Variants in CNTN5 observed in about 807,000 individuals in gnomAD.
CNTN5 encodes the protein contactin 5, also known as contactin-5.
A neutral mutation model predicts 129.1 loss-of-function variants in CNTN5; 77 were observed. The observed-to-expected ratio is 0.60, with a 90% CI of 0.50 to 0.72. The LOEUF is 0.72. Ranked by LOEUF, CNTN5 falls within the 30% of genes least tolerant of loss-of-function variation. The pLI, the probability that CNTN5 is intolerant of heterozygous loss-of-function variation, is 0.00. For synonymous variants in CNTN5, 509 were observed against 465.6 expected (o/e 1.09, Z -1.20); for missense variants, 1,478 against 1,328.8 (o/e 1.11, Z -1.75).
At chr11:100,259,160 G>A (rs1003730335) in intron 17 of CNTN5, among the ~76,000 whole-genome samples, 110 of 152,128 alleles carry the variant, frequency 7.2e-4, no homozygotes, top group African/African-American at 1.9e-3. Flanking sequence ...TCTCTGATAA[G>A]ACAGACTTTA....
chr11:100,084,515 A>G (rs1281636692), intron 13 of CNTN5, among the ~76,000 whole-genome samples: 1 of 152,142 alleles, frequency 6.6e-6, no homozygotes, highest in Non-Finnish European at 1.5e-5. Flanking sequence ...TTATAATGAG[A>G]ATTAGAGGTT....
chr11:99,846,977 C>T (rs768824017), intron 6 of CNTN5, among the ~76,000 whole-genome samples: 14 of 152,122 alleles, frequency 9.2e-5, no homozygotes, highest in Non-Finnish European at 1.5e-4. Context: ...TTACATTATG[C>T]ACAATTAATC....
At chr11:99,450,676 T>A (rs1026623404) in intron 2 of CNTN5, among the ~76,000 whole-genome samples, 1 of 151,334 alleles carries the variant, frequency 6.6e-6, no homozygotes, top group African/African-American at 2.4e-5. Context: ...GCCATCTCCA[T>A]CCCCTGGTCA....
chr11:99,985,642 C>T lies in CNTN5; in HGVS notation c.878-16392C>T, dbSNP rs1025062041. On this transcript the variant is annotated intron_variant, in intron 8 of 24. Transcript: ENST00000524871. ...TTTTCAGCTTGAAGGTGGAGTTTCACCAGGGACCTATCCCTGTCTGCCTCC... is the reference window on the plus strand; with the variant it reads ...TTTTCAGCTTGAAGGTGGAGTTTCATCAGGGACCTATCCCTGTCTGCCTCC... Among the ~76,000 whole-genome samples, 15 of 152,274 alleles carry T rather than the reference C, an allele frequency of 9.9e-5. No individual in the cohort carries two copies. The East Asian group carries it at 2.5e-3, about 26-fold the overall frequency.
At chr11:100,257,294 T>C (rs1950092776) in intron 17 of CNTN5, among the ~76,000 whole-genome samples, 1 of 152,114 alleles carries the variant, frequency 6.6e-6, no homozygotes, top group African/African-American at 2.4e-5. Flanking sequence ...AGTCAGGAGC[T>C]TATAGATAAA....
Position 100,292,867 on chromosome 11 carries a change from A to G in CNTN5, c.2315-4758A>G, listed in dbSNP as rs187474086. 8.5e-4 allele frequency among the ~76,000 whole-genome samples: 129 copies of G among 152,082 alleles called. 2 individuals carry two copies. The highest frequency in any genetic ancestry group is 2.9e-3 in the African/African-American group (120 of 41,538). On this transcript the variant is annotated intron_variant, in intron 18 of 24. Transcript: ENST00000524871. ...TACATGTGACTCATTCCAAGTTCAG[A>G]AAACAGTCGTTTAATGTCCTCTTAC...
At chr11:99,787,348 A>T (rs895248003) in intron 3 of CNTN5, among the ~76,000 whole-genome samples, 1 of 151,652 alleles carries the variant, frequency 6.6e-6, no homozygotes, top group African/African-American at 2.4e-5. Flanking sequence ...GACCTGTTCA[A>T]CTCTTAACAT....
At chr11:100,343,326 T>C (rs1952207353) in intron 23 of CNTN5, among the ~76,000 whole-genome samples, 1 of 152,190 alleles carries the variant, frequency 6.6e-6, no homozygotes, top group Non-Finnish European at 1.5e-5. Context: ...GAAGGAAGAA[T>C]TGATTCGTAT....
At chr11:99,687,026 A>T (rs1953821754) in intron 3 of CNTN5, among the ~76,000 whole-genome samples, 2 of 152,160 alleles carry the variant, frequency 1.3e-5, no homozygotes, top group Non-Finnish European at 2.9e-5. Flanking sequence ...TTAACTCAGG[A>T]GATGTAGATA....
At chr11:100,111,687 T>G (rs1005438927) in intron 13 of CNTN5, among the ~76,000 whole-genome samples, 2 of 152,204 alleles carry the variant, frequency 1.3e-5, no homozygotes, top group African/African-American at 4.8e-5. Flanking sequence ...AAAATTTAAG[T>G]GTACAATCCA....
At chr11:99,107,790 G>A (rs962799038) in intron 1 of CNTN5, among the ~76,000 whole-genome samples, 2 of 151,758 alleles carry the variant, frequency 1.3e-5, no homozygotes, top group Non-Finnish European at 2.9e-5. Flanking sequence ...AATTAGCCGG[G>A]CATGGTGGCA....
chr11:99,787,679 C>T (rs566400345), intron 3 of CNTN5, among the ~76,000 whole-genome samples: 9 of 151,950 alleles, frequency 5.9e-5, no homozygotes, highest in Admixed American at 3.3e-4. Flanking sequence ...AAATATGTTA[C>T]CAGATATGAG....
chr11:99,232,494 T>C (rs1861054101), intron 1 of CNTN5, among the ~76,000 whole-genome samples: 2 of 152,198 alleles, frequency 1.3e-5, no homozygotes, highest in Admixed American at 6.5e-5. Flanking sequence ...TTTTTCCACA[T>C]TGATTTTGTA....
intron 1 of CNTN5, among the ~76,000 whole-genome samples, chr11:99,053,180 A>T (rs1864491809): frequency 6.6e-6 from 1 of 151,966 alleles, no homozygotes; most frequent in Non-Finnish European, 1.5e-5. Context: ...ATTCTAAAAA[A>T]GTAATGACAG....
At chr11:99,163,947 T>A (rs1860744614) in intron 1 of CNTN5, among the ~76,000 whole-genome samples, 1 of 152,224 alleles carries the variant, frequency 6.6e-6, no homozygotes, top group African/African-American at 2.4e-5. Flanking sequence ...ATTTATTGTA[T>A]TTTTAGGTCA....
chr11:99,944,554 G>A (rs1259622039), intron 7 of CNTN5, among the ~76,000 whole-genome samples: 1 of 152,046 alleles, frequency 6.6e-6, no homozygotes, highest in African/African-American at 2.4e-5. Context: ...ATTCAAATAG[G>A]AAGAGAGAAA....
Position 99,702,801 on chromosome 11 carries a change from A to G in CNTN5, c.56-116743A>G, listed in dbSNP as rs1042256518. 2.0e-5 allele frequency among the ~76,000 whole-genome samples: 3 copies of G among 151,034 alleles called. No homozygotes were observed. In the East Asian group the frequency reaches 5.8e-4, roughly 29 times the overall value. ...CCATCTGTTTCCTATTCAGTGTTGA[A>G]ATATTGGTTTGAAAAGCTGTTTACT... On this transcript the variant is annotated intron_variant, in intron 3 of 24. Coordinates refer to ENST00000524871, the MANE Select transcript of CNTN5 (RefSeq NM_014361.4).
chr11:99,129,024 A>G (rs1858796953), intron 1 of CNTN5, among the ~76,000 whole-genome samples: 1 of 152,242 alleles, frequency 6.6e-6, no homozygotes, highest in African/African-American at 2.4e-5. Flanking sequence ...AAAAATGCTG[A>G]AAATTTCAAA....
intron 7 of CNTN5, among the ~76,000 whole-genome samples, chr11:99,956,542 TACCTAAA>T (rs952940762): frequency 1.8e-4 from 28 of 152,302 alleles, no homozygotes; most frequent in African/African-American, 6.7e-4. Flanking sequence ...TAGTTCTGAG[TACCTAAA>T]ACATGTTCAG....
Sources: allele counts gnomAD v4.1 joint callset (sites outside exome capture counted in the v4.1 genomes callset), GRCh38; gene constraint gnomAD v4.1.1; transcripts MANE v1.5; gene names NCBI Gene and HGNC (gene_info 2026-07-23, HGNC 2026-07-21).